Variants in ASH1L observed in about 807,000 individuals in gnomAD.
ASH1L encodes the protein histone-lysine N-methyltransferase ASH1L.
ASH1L carries 23 observed loss-of-function variants against 269.0 expected under a neutral mutation model. The ratio of observed to expected loss-of-function variants is 0.09; its 90% confidence interval spans 0.06 to 0.12. ASH1L has a LOEUF of 0.12. Among genes scored for constraint, ASH1L ranks in the 10% least tolerant of loss-of-function variants. The pLI, the probability that ASH1L is intolerant of heterozygous loss-of-function variation, is 1.00. For missense variants in ASH1L, 2,912 were observed against 3,567.8 expected, an observed-to-expected ratio of 0.82 and a Z score of 4.68; for synonymous variants, 1,187 against 1,253.5, an observed-to-expected ratio of 0.95 and a Z score of 1.12.
chr1:155,477,806 G>C (rs1665671649), intron 3 of ASH1L, 80 bp downstream of exon 3: 1 of 1,355,532 alleles, frequency 7.4e-7, no homozygotes, highest in Non-Finnish European at 9.8e-7. Context: ...TATATTAAAA[G>C]TTCATCTACA....
chr1:155,510,862 T>C (rs541697588), intron 2 of ASH1L, among the ~76,000 whole-genome samples: 2 of 152,182 alleles, frequency 1.3e-5, no homozygotes, highest in Admixed American at 6.5e-5. Context: ...AGTAAACATA[T>C]ACAGAACAAA....
intron 1 of ASH1L, among the ~76,000 whole-genome samples, chr1:155,560,086 C>T (rs181265398): frequency 3.8e-4 from 58 of 152,234 alleles, no homozygotes. Flanking sequence ...TGTTCAAATA[C>T]CATAGACTCT....
At chr1:155,447,909 G>A (rs1306102092) in intron 4 of ASH1L, among the ~76,000 whole-genome samples, 1 of 152,090 alleles carries the variant, frequency 6.6e-6, no homozygotes, top group Non-Finnish European at 1.5e-5. Flanking sequence ...CTGTGCCTGT[G>A]GGGTATTGCT....
intron 2 of ASH1L, among the ~76,000 whole-genome samples, chr1:155,484,928 C>CAAA (rs761331437): frequency 2.4e-5 from 2 of 82,788 alleles, no homozygotes; most frequent in African/African-American, 5.5e-5. Flanking sequence ...TGCTCTGTCT[C>CAAA]AAAAAAAAAA....
intron 19 of ASH1L, among the ~76,000 whole-genome samples, chr1:155,348,966 A>C (rs1292664351): frequency 6.6e-6 from 1 of 151,390 alleles, no homozygotes; most frequent in Non-Finnish European, 1.5e-5. Context: ...TTACCTATGC[A>C]TATTTCTGTA....
At chr1:155,484,254 TGAG>T (rs1481424813) in intron 2 of ASH1L, among the ~76,000 whole-genome samples, 1 of 151,738 alleles carries the variant, frequency 6.6e-6, no homozygotes, top group Admixed American at 6.6e-5. Context: ...TTTGGGAGGC[TGAG>T]GTGGGCAGAT....
intron 1 of ASH1L, among the ~76,000 whole-genome samples, chr1:155,561,092 C>T (rs1671932741): frequency 6.6e-6 from 1 of 151,400 alleles, no homozygotes; most frequent in Non-Finnish European, 1.5e-5. Flanking sequence ...AACATGCGGC[C>T]TTGGAGAAGT....
chr1:155,476,755 G>A (rs1458515069), intron 3 of ASH1L, among the ~76,000 whole-genome samples: 3 of 151,712 alleles, frequency 2.0e-5, no homozygotes, highest in East Asian at 1.9e-4. Flanking sequence ...GGGTTTCATC[G>A]TGTTAACCAG....
In ASH1L at chr1:155,378,567, A is replaced by G; in HGVS notation, c.6178-19T>C. Reference sequence around the variant, plus strand: ...TGTATAGCTAGAAGAAAAGAAGAAAAATCTTGATATAGCATTTAACTTCAA... The same window carrying G: ...TGTATAGCTAGAAGAAAAGAAGAAAGATCTTGATATAGCATTTAACTTCAA... On this transcript the variant is annotated intron_variant, in intron 8 of 27. Coordinates refer to ENST00000392403, the MANE Select transcript of ASH1L (RefSeq NM_018489.3). 6.3e-7 allele frequency: 1 copy of G among 1,595,322 alleles called. No homozygotes were observed. Among genetic ancestry groups the G allele is most frequent in the Non-Finnish European group, 8.6e-7 (1 of 1,167,948 alleles).
At position 155,481,105 on chromosome 1, in the gene ASH1L, T is replaced by C. The variant is rs776186075; in HGVS notation, c.1765A>G (p.Thr589Ala). 1.2e-6 allele frequency: 2 copies of C among 1,614,104 alleles called. No homozygotes were observed. The highest frequency in any genetic ancestry group is 1.1e-5 in the South Asian group (1 of 91,082). ...APNPLLLSST[T>A]ELIEEISESV... ...TCAGAAATTTCTTCGATTAGTTCTG[T>C]AGTAGAACTTAAAAGTAATGGATTA... The change falls in exon 3 of 28, where the codon ACA (threonine) becomes GCA (alanine). Residue 589 changes from threonine to alanine, a missense_variant. Physicochemically the swap from Thr to Ala is moderately conservative, Grantham distance 58. Transcript: ENST00000392403.
At chr1:155,391,964 AG>A (rs1657963467) in intron 7 of ASH1L, among the ~76,000 whole-genome samples, 1 of 152,160 alleles carries the variant, frequency 6.6e-6, no homozygotes, top group Non-Finnish European at 1.5e-5. Context: ...TCAAAAAAAT[AG>A]AAATAAAAAT....
chr1:155,548,587 T>C (rs1006457915), intron 1 of ASH1L, among the ~76,000 whole-genome samples: 1 of 152,212 alleles, frequency 6.6e-6, no homozygotes, highest in Non-Finnish European at 1.5e-5. Context: ...CTCTACATCT[T>C]GACTAGTTAG....
At chr1:155,509,547 C>T (rs1668030702) in intron 2 of ASH1L, among the ~76,000 whole-genome samples, 2 of 152,276 alleles carry the variant, frequency 1.3e-5, no homozygotes, top group Middle Eastern at 6.8e-3. Context: ...CCTATAATCC[C>T]CAGCACTTTG....
chr1:155,428,456 T>A (rs373669259), intron 5 of ASH1L, among the ~76,000 whole-genome samples: 4,294 of 143,090 alleles, frequency 0.03, 193 homozygotes, highest in African/African-American at 0.1. Context: ...AAAAAAAATA[T>A]ATATATATAT....
At chr1:155,453,227 C>T (rs1663622826) in intron 4 of ASH1L, among the ~76,000 whole-genome samples, 1 of 152,084 alleles carries the variant, frequency 6.6e-6, no homozygotes, top group Non-Finnish European at 1.5e-5. Flanking sequence ...TGGTAGCACA[C>T]ACCTATAGTC....
At chr1:155,389,606 G>C (rs867667758) in intron 7 of ASH1L, among the ~76,000 whole-genome samples, 1 of 152,016 alleles carries the variant, frequency 6.6e-6, no homozygotes, top group Non-Finnish European at 1.5e-5. Flanking sequence ...CCAGGAGGAG[G>C]AGAATGCAGA....
rs368800129 is a variant in ASH1L at position 155,411,586 on chromosome 1, A to AATATATATATATATATATATAT, written c.6008+4136_6008+4157dup. Among the ~76,000 whole-genome samples, 113 of 55,038 alleles carry AATATATATATATATATATATAT rather than the reference A, an allele frequency of 2.1e-3. 1 individual carries two copies. The highest frequency in any genetic ancestry group is 5.1e-3 in the South Asian group (6 of 1,182). 36.1% of individuals were successfully genotyped at this position (55,038 alleles called of 152,430 possible). Reference sequence around the variant, plus strand: ...AAATATGAATATAAATAAATAAATAAATATATATATATATATATATATATA... The same window carrying AATATATATATATATATATATAT: ...AAATATGAATATAAATAAATAAATAAATATATATATATATATATATATATATATATATATATATATATATATA... On this transcript the variant is annotated intron_variant, in intron 6 of 27. Transcript: ENST00000392403.
chr1:155,544,542 C>A (rs1670662150), intron 1 of ASH1L, among the ~76,000 whole-genome samples: 10 of 152,094 alleles, frequency 6.6e-5, no homozygotes, highest in Admixed American at 5.9e-4. Flanking sequence ...CCGCCTCAGC[C>A]TCCCAAAGTG....
At chr1:155,359,839 A>G (rs911269498) in intron 13 of ASH1L, among the ~76,000 whole-genome samples, 3 of 151,742 alleles carry the variant, frequency 2.0e-5, no homozygotes, top group Admixed American at 6.6e-5. Context: ...TCAGCCTCAC[A>G]AAGTGCTGGG....
Sources: gnomAD v4.1 joint callset for allele counts (sites outside exome capture counted in the v4.1 genomes callset) on GRCh38, gnomAD v4.1.1 for gene constraint, MANE v1.5 for transcripts, NCBI Gene and HGNC (gene_info 2026-07-23, HGNC 2026-07-21) for gene names.